The following SLCO4A1 variants were observed in gnomAD, a reference collection of about 807,000 sequenced individuals.
The protein encoded by SLCO4A1 is solute carrier organic anion transporter family member 4A1.
A neutral mutation model predicts 64.6 loss-of-function variants in SLCO4A1; 51 were observed. The observed-to-expected ratio is 0.79, with a 90% confidence interval of 0.63 to 1.00. SLCO4A1 has a LOEUF of 1.00. Ranked by LOEUF, SLCO4A1 falls within the 50% of genes least tolerant of loss-of-function variation. The pLI, the probability that SLCO4A1 is intolerant of heterozygous loss-of-function variation, is 0.00. For missense variants in SLCO4A1, 919 were observed against 980.5 expected, an observed-to-expected ratio of 0.94 and a Z score of 0.84; for synonymous variants, 471 against 444.9, an observed-to-expected ratio of 1.06 and a Z score of -0.74.
rs749792735 is a variant in SLCO4A1 at position 62,671,812 on chromosome 20, A to G, written c.2088A>G (p.Ser696=). The part of the protein sequence containing the change: ...CFLYKPLSES[S]DGLETCLPSQ... ...TATACAAGCCCCTGTCGGAGTCTTCAGATGGCCTGGAAACTTGTCTGCCCA... is the reference window on the plus strand; with the variant it reads ...TATACAAGCCCCTGTCGGAGTCTTCGGATGGCCTGGAAACTTGTCTGCCCA... The change falls in exon 12 of 12, where the codon TCA becomes TCG. Residue 696 remains serine (S), a synonymous_variant. Transcript: ENST00000217159. The G allele has an allele frequency of 1.9e-6, 3 of 1,613,626 alleles. No homozygotes were observed. Among genetic ancestry groups the G allele is most frequent in the Non-Finnish European group, 2.5e-6 (3 of 1,180,024 alleles).
chr20:62,663,986 C>T lies in SLCO4A1; in HGVS notation c.1122-948C>T, dbSNP rs1394819220. 3.3e-5 allele frequency among the ~76,000 whole-genome samples: 5 copies of T among 152,298 alleles called. No individual in the cohort carries two copies. In the South Asian group the frequency reaches 8.3e-4, roughly 25 times the overall value. On this transcript the variant is annotated intron_variant, in intron 5 of 11. Transcript: ENST00000217159. ...ATGCTAACAAAAACAGGGAGAGCCT[C>T]CATTCACCCCCCAGGGCCTCGTGTG...
rs1981182646 is a variant in SLCO4A1, at chr20:62,645,655, C to T, written c.-97+3102C>T. On this transcript the variant is annotated intron_variant, in intron 1 of 11. Transcript: ENST00000217159. This position sits in a 1 kb window ranked among gnomAD's most constrained non-coding sequence, Gnocchi z 4.2. ...CTACATTTCTGGCGGAAGGTGACTG[C>T]TTTTTCAAACCACGTGCCTTCTGCA... 6.6e-6 allele frequency among the ~76,000 whole-genome samples: 1 copy of T among 151,890 alleles called. No homozygotes were observed. The highest frequency in any genetic ancestry group is 2.4e-5 in the African/African-American group (1 of 41,386).
At position 62,661,041 on chromosome 20, in the gene SLCO4A1, C is replaced by CCCCCCCCCCCCCCACAAA; in HGVS notation, c.1010-23_1010-22insCCCCCCCCCCCCCACAAA. The CCCCCCCCCCCCCCACAAA allele has an allele frequency of 7.0e-7, 1 of 1,424,142 alleles. No individual in the cohort carries two copies. The highest frequency in any genetic ancestry group is 9.9e-7 in the Non-Finnish European group (1 of 1,010,140). The allele number at this position is 1,424,142 out of a possible 1,614,324, so 88.2% of individuals were successfully genotyped here. A position where few individuals can be genotyped will look rare whatever the true frequency, so the allele number is the denominator to read the frequency against. ...TCCGGGAGCCCCCAGCCCCCAGCCC[C>CCCCCCCCCCCCCCACAAA]AGCTCACTCTGTGCCCTTCCAGGCT... On this transcript the variant is annotated intron_variant, in intron 4 of 11. Transcript: ENST00000217159. The surrounding 1 kb of genome is among the most constrained non-coding windows in gnomAD (Gnocchi z 5.2).
At chr20:62,688,625 T>G (rs1273494693), downstream of SLCO4A1, among the ~76,000 whole-genome samples, 1 of 152,158 alleles carries the variant, frequency 6.6e-6, no homozygotes, top group Non-Finnish European at 1.5e-5. Context: ...AGACACCAAC[T>G]GGGTGAGAGC....
rs761543049 is a variant in SLCO4A1, at chr20:62,656,901, C to T, written c.447C>T (p.Tyr149=). 41 of 1,572,096 alleles carry T rather than the reference C, an allele frequency of 2.6e-5. No individual in the cohort carries two copies. Among genetic ancestry groups the T allele is most frequent in the Middle Eastern group, 1.7e-4 (1 of 5,900 alleles). The change falls in exon 2 of 12, where the codon TAC becomes TAT. Residue 149 remains tyrosine (Y), a synonymous_variant. Coordinates refer to ENST00000217159, the MANE Select transcript of SLCO4A1 (RefSeq NM_016354.4). ...SYQSGLIASS[Y]DIAACLCLTF... Reference sequence around the variant, plus strand: ...AGAGCGGGCTCATCGCCAGCTCCTACGACATTGCCGCCTGCCTCTGCCTCA... The same window carrying T: ...AGAGCGGGCTCATCGCCAGCTCCTATGACATTGCCGCCTGCCTCTGCCTCA...
intron 1 of SLCO4A1, chr20:62,643,113 T>C (rs1980691798): frequency 2.3e-6 from 1 of 441,230 alleles, no homozygotes; most frequent in South Asian, 1.6e-5. Flanking sequence ...GCTCGAGACA[T>C]CTCCGGGAGG....
At chr20:62,681,990 C>T (rs1051931623) in intron 2 of SLCO4A1, among the ~76,000 whole-genome samples, 2 of 152,188 alleles carry the variant, frequency 1.3e-5, no homozygotes, top group Non-Finnish European at 2.9e-5. Flanking sequence ...GACAGCAGGG[C>T]GGCCCTGGAG....
intron 1 of SLCO4A1, among the ~76,000 whole-genome samples, chr20:62,654,220 G>A (rs1983205186): frequency 6.6e-6 from 1 of 152,162 alleles, no homozygotes; most frequent in South Asian, 2.1e-4. Context: ...GGCCTTCTCT[G>A]TGTCATCTTC....
chr20:62,643,694 C>T (rs1980819300), intron 1 of SLCO4A1, among the ~76,000 whole-genome samples: 1 of 152,232 alleles, frequency 6.6e-6, no homozygotes, highest in Non-Finnish European at 1.5e-5. Flanking sequence ...CGTTTTCATT[C>T]CCAGCAGCGG....
At chr20:62,656,133 G>A (rs2147075873) in intron 1 of SLCO4A1, among the ~76,000 whole-genome samples, 1 of 152,396 alleles carries the variant, frequency 6.6e-6, no homozygotes, top group Non-Finnish European at 1.5e-5. Flanking sequence ...GTCCCTGTGA[G>A]CAAGCTGGGC....
At chr20:62,662,356 C>G (rs1312779948) in intron 5 of SLCO4A1, among the ~76,000 whole-genome samples, 2 of 152,104 alleles carry the variant, frequency 1.3e-5, no homozygotes, top group Non-Finnish European at 2.9e-5. Flanking sequence ...CTCACCCTCT[C>G]TCCTCCACCC....
intron 2 of SLCO4A1, among the ~76,000 whole-genome samples, chr20:62,682,196 CT>C (rs1329056894): frequency 1.3e-5 from 2 of 152,224 alleles, no homozygotes; most frequent in African/African-American, 4.8e-5. Flanking sequence ...CAGTTCACAG[CT>C]CTTCAGATGG....
intron 7 of SLCO4A1, 138 bp downstream of exon 7, chr20:62,666,713 A>G: frequency 2.6e-6 from 2 of 758,272 alleles, no homozygotes; most frequent in Non-Finnish European, 4.3e-6. Context: ...CAAGGGCAAC[A>G]CCCGCTCAGC....
chr20:62,687,894 C>A (rs1262188181), downstream of SLCO4A1, among the ~76,000 whole-genome samples: 1 of 152,106 alleles, frequency 6.6e-6, no homozygotes, highest in African/African-American at 2.4e-5. Context: ...GAAAAGGTAC[C>A]CCAGGGGATC....
chr20:62,676,884 A>G (rs1987620535), downstream of SLCO4A1, among the ~76,000 whole-genome samples: 1 of 152,274 alleles, frequency 6.6e-6, no homozygotes. Context: ...AAAGTGCACC[A>G]GCCCGAATGT....
chr20:62,643,054 A>G, intron 1 of SLCO4A1: 1 of 469,112 alleles, frequency 2.1e-6, no homozygotes, highest in Non-Finnish European at 4.4e-6. Flanking sequence ...GGAAACCTTC[A>G]TGCACGGAAG....
downstream of SLCO4A1, among the ~76,000 whole-genome samples, chr20:62,689,732 G>A (rs572156627): frequency 1.4e-4 from 22 of 152,212 alleles, no homozygotes; most frequent in Admixed American, 4.6e-4. Context: ...ACTTGCGGGG[G>A]CTCAGGCAGA....
At chr20:62,675,762 A>G (rs898842862), downstream of SLCO4A1, among the ~76,000 whole-genome samples, 1 of 152,150 alleles carries the variant, frequency 6.6e-6, no homozygotes, top group Non-Finnish European at 1.5e-5. Flanking sequence ...GGCCCTGGAT[A>G]CGCCCTCGGC....
chr20:62,669,608 C>T (rs577228906), intron 11 of SLCO4A1, among the ~76,000 whole-genome samples: 2 of 152,304 alleles, frequency 1.3e-5, no homozygotes, highest in South Asian at 4.1e-4. Flanking sequence ...CGTATGCTAC[C>T]TGGGAGGAAA....
Sources: gnomAD v4.1 joint callset for allele counts (sites outside exome capture counted in the v4.1 genomes callset) on GRCh38, gnomAD v4.1.1 for gene constraint, Gnocchi (gnomAD v3.1) non-coding constraint, MANE v1.5 for transcripts, NCBI Gene and HGNC (gene_info 2026-07-23, HGNC 2026-07-21) for gene names.